DEFB131B: variants seen among roughly 807,000 people sequenced by gnomAD.
The protein encoded by DEFB131B is beta-defensin 131B.
DEFB131B carries 2 observed loss-of-function variants against 2.1 expected under a neutral mutation model. The observed-to-expected ratio is 0.94, with a 90% CI of 0.38 to 2.95. The LOEUF (loss-of-function observed/expected upper bound fraction) is 2.95. Ranked by LOEUF, DEFB131B falls within the 30% of genes most tolerant of loss-of-function variation. The probability of loss-of-function intolerance (pLI) is 0.09; values close to 1 mark genes in which losing one functional copy is unlikely to be tolerated. For missense variants in DEFB131B, 77 were observed against 78.5 expected, an observed-to-expected ratio of 0.98 and a Z score of 0.07; for synonymous variants, 26 against 25.8, an observed-to-expected ratio of 1.01 and a Z score of -0.03.
At chr11:71,881,878 G>A (rs1590732184) in intron 1 of DEFB131B, among the ~76,000 whole-genome samples, 1 of 152,182 alleles carries the variant, frequency 6.6e-6, no homozygotes, top group African/African-American at 2.4e-5. Context: ...ATTAGAAAAG[G>A]AAAAATATAT....
chr11:71,879,585 A>G (rs1410346022), intron 1 of DEFB131B, among the ~76,000 whole-genome samples: 1 of 152,060 alleles, frequency 6.6e-6, no homozygotes, highest in African/African-American at 2.4e-5. Context: ...CCTTTCCCCC[A>G]TGAATGTTAG....
intron 1 of DEFB131B, among the ~76,000 whole-genome samples, chr11:71,883,218 C>G (rs1302555704): frequency 6.6e-6 from 1 of 152,054 alleles, no homozygotes; most frequent in African/African-American, 2.4e-5. Flanking sequence ...CCTAATGGCA[C>G]TCTTGACAGA....
At chr11:71,883,078 T>C (rs1365330965) in intron 1 of DEFB131B, among the ~76,000 whole-genome samples, 2 of 152,094 alleles carry the variant, frequency 1.3e-5, no homozygotes, top group African/African-American at 4.8e-5. Context: ...CAGACATTCA[T>C]GAAAGAAATT....
chr11:71,883,888 G>T (rs1221889190), intron 1 of DEFB131B, among the ~76,000 whole-genome samples: 1 of 152,082 alleles, frequency 6.6e-6, no homozygotes, highest in Non-Finnish European at 1.5e-5. Flanking sequence ...CTCAATTAAG[G>T]ATTCTTTTTT....
intron 1 of DEFB131B, among the ~76,000 whole-genome samples, chr11:71,882,049 C>A (rs902728220): frequency 6.6e-6 from 1 of 151,540 alleles, no homozygotes; most frequent in African/African-American, 2.4e-5. Context: ...TAAACATAGG[C>A]ATATTATATT....
chr11:71,883,091 A>G (rs1304603866), intron 1 of DEFB131B, among the ~76,000 whole-genome samples: 2 of 152,238 alleles, frequency 1.3e-5, no homozygotes, highest in East Asian at 3.8e-4. Flanking sequence ...AAGAAATTAA[A>G]GAAGACACAA....
chr11:71,884,193 C>A (rs1031308682), intron 1 of DEFB131B: 7 of 438,908 alleles, frequency 1.6e-5, no homozygotes, highest in Non-Finnish European at 2.4e-5. Flanking sequence ...CTGTACATTT[C>A]CAACTACTGC....
intron 1 of DEFB131B, among the ~76,000 whole-genome samples, chr11:71,881,685 T>C (rs561431338): frequency 6.6e-6 from 1 of 152,176 alleles, no homozygotes; most frequent in East Asian, 1.9e-4. Flanking sequence ...TACTAAAGAT[T>C]GGGACTTTAA....
At chr11:71,879,177 C>T (rs1351492324) in intron 1 of DEFB131B, among the ~76,000 whole-genome samples, 1 of 152,146 alleles carries the variant, frequency 6.6e-6, no homozygotes, top group Non-Finnish European at 1.5e-5. Context: ...CCTTGGTTCA[C>T]AGGATAAATT....
At chr11:71,883,677 T>C (rs1278235892) in intron 1 of DEFB131B, among the ~76,000 whole-genome samples, 1 of 152,204 alleles carries the variant, frequency 6.6e-6, no homozygotes, top group Non-Finnish European at 1.5e-5. Flanking sequence ...ATGATGTTGG[T>C]CATGGCAAAT....
At chr11:71,883,827 C>T (rs1013259827) in intron 1 of DEFB131B, among the ~76,000 whole-genome samples, 5 of 152,116 alleles carry the variant, frequency 3.3e-5, no homozygotes, top group Non-Finnish European at 5.9e-5. Context: ...GCCTTGAGCC[C>T]GAATACACTG....
intron 1 of DEFB131B, 31 bp downstream of exon 1, chr11:71,878,541 C>G (rs1174650789): frequency 6.3e-7 from 1 of 1,598,602 alleles, no homozygotes; most frequent in Non-Finnish European, 8.5e-7. Flanking sequence ...TTCCAAAGTT[C>G]TAAAAATATA....
intron 1 of DEFB131B, among the ~76,000 whole-genome samples, chr11:71,882,711 C>G (rs1416632068): frequency 6.6e-6 from 1 of 152,132 alleles, no homozygotes. Flanking sequence ...CTTCTTGCCA[C>G]ATTTATTTAA....
chr11:71,878,504 C>T lies in DEFB131B; in HGVS notation c.52C>T (p.Pro18Ser). Reference sequence around the variant, plus strand: ...AGTCCTTTCCTTGATGTCCACAGTTCCTCCAAGTAAGGCAGAAACTTTTTT... The same window carrying T: ...AGTCCTTTCCTTGATGTCCACAGTTTCTCCAAGTAAGGCAGAAACTTTTTT... ...FGVLSLMSTV[P>S]PTRSFTSNDE... The change falls in exon 1 of 2, where the codon CCT (proline) becomes TCT (serine). Residue 18 changes from proline (P) to serine (S), a missense_variant. Physicochemically the swap from Pro to Ser is moderately conservative, Grantham distance 74 (BLOSUM62 -1). Coordinates refer to ENST00000530210, the MANE Select transcript of DEFB131B (RefSeq NM_001242853.1). 6.2e-7 allele frequency: 1 copy of T among 1,611,194 alleles called. No individual in the cohort carries two copies. Among genetic ancestry groups the T allele is most frequent in the South Asian group, 1.1e-5 (1 of 90,912 alleles).
intron 1 of DEFB131B, among the ~76,000 whole-genome samples, chr11:71,880,881 A>T (rs576553152): frequency 6.6e-6 from 1 of 152,244 alleles, no homozygotes; most frequent in Admixed American, 6.5e-5. Context: ...AATATACTTG[A>T]TATAATGTTG....
At chr11:71,880,334 C>A (rs1449877072) in intron 1 of DEFB131B, among the ~76,000 whole-genome samples, 2 of 151,926 alleles carry the variant, frequency 1.3e-5, no homozygotes, top group Non-Finnish European at 1.5e-5. Flanking sequence ...TCTAATGATC[C>A]ATTGTGTTTC....
chr11:71,880,312 T>C (rs1034304429), intron 1 of DEFB131B, among the ~76,000 whole-genome samples: 1 of 152,178 alleles, frequency 6.6e-6, no homozygotes, highest in Non-Finnish European at 1.5e-5. Context: ...CATATGGTTG[T>C]TTATAACAGA....
intron 1 of DEFB131B, among the ~76,000 whole-genome samples, chr11:71,880,921 G>A (rs1045724355): frequency 3.3e-5 from 5 of 152,002 alleles, no homozygotes; most frequent in African/African-American, 9.7e-5. Flanking sequence ...AACTTGTTTT[G>A]TGTCTTAACA....
chr11:71,883,829 A>G (rs1297127839), intron 1 of DEFB131B, among the ~76,000 whole-genome samples: 1 of 152,194 alleles, frequency 6.6e-6, no homozygotes, highest in Non-Finnish European at 1.5e-5. Context: ...CTTGAGCCCG[A>G]ATACACTGGG....
Sources: allele counts gnomAD v4.1 joint callset (sites outside exome capture counted in the v4.1 genomes callset), GRCh38; gene constraint gnomAD v4.1.1; transcripts MANE v1.5; gene names NCBI Gene and HGNC (gene_info 2026-07-23, HGNC 2026-07-21).